The following ZCCHC9 variants were observed in gnomAD, a reference collection of about 807,000 sequenced individuals.
ZCCHC9 encodes the protein zinc finger CCHC domain-containing protein 9.
ZCCHC9 carries 18 observed loss-of-function variants against 30.8 expected under a neutral mutation model. The observed-to-expected ratio is 0.58, with a 90% CI of 0.40 to 0.87. ZCCHC9 has a LOEUF of 0.87. Among genes scored for constraint, ZCCHC9 ranks in the 40% least tolerant of loss-of-function variants. The pLI, the probability that ZCCHC9 is intolerant of heterozygous loss-of-function variation, is 0.00. For synonymous variants in ZCCHC9, 94 were observed against 106.7 expected, an observed-to-expected ratio of 0.88 and a Z score of 0.73; for missense variants, 279 against 331.2, an observed-to-expected ratio of 0.84 and a Z score of 1.22.
chr5:81,311,124 G>A lies in ZCCHC9; in HGVS notation c.629-87G>A, dbSNP rs1410923000. On this transcript the variant is annotated intron_variant, in intron 4 of 5. Coordinates refer to ENST00000407610, the MANE Select transcript of ZCCHC9 (RefSeq NM_001131035.2). ...CCTTTACAACTGACAGGGTTGTGAG[G>A]ATCCAGTAAGATGTGAAAGTGCTTT... 2.2e-6 allele frequency: 3 copies of A among 1,335,574 alleles called. No homozygotes were observed. In the African/African-American group the frequency reaches 4.3e-5, roughly 19 times the overall value. The allele number at this position is 1,335,574 out of a possible 1,614,324, so 82.7% of individuals were successfully genotyped here.
At chr5:81,310,498 C>T (rs1758246798) in intron 4 of ZCCHC9, among the ~76,000 whole-genome samples, 1 of 151,934 alleles carries the variant, frequency 6.6e-6, no homozygotes, top group Non-Finnish European at 1.5e-5. Flanking sequence ...GAAAATTCAG[C>T]CAGATTTGTA....
chr5:81,309,426 T>C (rs1283362470), intron 4 of ZCCHC9, among the ~76,000 whole-genome samples: 1 of 152,228 alleles, frequency 6.6e-6, no homozygotes, highest in Non-Finnish European at 1.5e-5. Context: ...GTACAGATGA[T>C]TCAATATTGT....
At chr5:81,311,371 C>T (rs1235466078) in intron 5 of ZCCHC9, 92 bp downstream of exon 5, 1 of 1,308,330 alleles carries the variant, frequency 7.6e-7, no homozygotes, top group Non-Finnish European at 1.1e-6. Context: ...AATTGGGATA[C>T]TAATGATTTT....
chr5:81,303,909 C>T (rs889253618), intron 1 of ZCCHC9: 1 of 152,198 alleles, frequency 6.6e-6, no homozygotes, highest in South Asian at 2.1e-4. Flanking sequence ...AAATATCCTC[C>T]AAATCACTAG....
Position 81,311,234 on chromosome 5 carries a change from T to C in ZCCHC9, c.652T>C (p.Ser218Pro). 1 of 1,614,130 alleles carries C rather than the reference T, an allele frequency of 6.2e-7. No individual in the cohort carries two copies. The highest frequency in any genetic ancestry group is 8.5e-7 in the Non-Finnish European group (1 of 1,179,968). ...AGGTGGCGGTTGCAAACTTTGTGGC[T>C]CTGTGGAACATTTAAAGAAAGATTG... ...ADGGGCKLCG[S>P]VEHLKKDCPE... Residue 218 changes from serine (S) to proline (P), a missense_variant, in exon 5 of 6, where the codon TCT (serine) becomes CCT (proline). By Grantham distance (74) the Ser-to-Pro change is moderately conservative. Coordinates refer to ENST00000407610, the MANE Select transcript of ZCCHC9 (RefSeq NM_001131035.2).
At position 81,311,180 on chromosome 5, in the gene ZCCHC9, A is replaced by G. The variant is rs145082203; in HGVS notation, c.629-31A>G. ...GTTAAAAACCCCTTGCAAGTATGAG[A>G]TGGTATTCAGTGGCTTTGCTCTTTC... On this transcript the variant is annotated intron_variant, in intron 4 of 5. Transcript: ENST00000407610. 358 of 1,612,886 alleles carry G rather than the reference A, an allele frequency of 2.2e-4. 2 individuals carry two copies. In the African/African-American group the frequency reaches 4.1e-3, roughly 19 times the overall value.
At chr5:81,305,484 G>A (rs1758061322) in intron 2 of ZCCHC9, among the ~76,000 whole-genome samples, 1 of 152,046 alleles carries the variant, frequency 6.6e-6, no homozygotes, top group Admixed American at 6.6e-5. Context: ...TAGACCAGAT[G>A]TGGTGGCCCA....
chr5:81,310,132 A>G (rs1220390215), intron 4 of ZCCHC9, among the ~76,000 whole-genome samples: 3 of 146,958 alleles, frequency 2.0e-5, no homozygotes, highest in South Asian at 4.3e-4. Context: ...AATGGCTTTC[A>G]CTGGTCAACC....
At chr5:81,310,635 T>C (rs1443895951) in intron 4 of ZCCHC9, among the ~76,000 whole-genome samples, 1 of 152,226 alleles carries the variant, frequency 6.6e-6, no homozygotes, top group Non-Finnish European at 1.5e-5. Context: ...GTGTTGTAAT[T>C]CACAATCCTG....
chr5:81,309,801 A>G (rs909893991), intron 4 of ZCCHC9, among the ~76,000 whole-genome samples: 1 of 152,202 alleles, frequency 6.6e-6, no homozygotes, highest in Admixed American at 6.5e-5. Context: ...ACTATATTTT[A>G]TTGATTCTAA....
intron 1 of ZCCHC9, chr5:81,302,477 G>A (rs957254862): frequency 6.6e-6 from 1 of 152,096 alleles, no homozygotes; most frequent in Non-Finnish European, 1.5e-5. Flanking sequence ...TCTCAACAAC[G>A]ACCACAACAA....
chr5:81,307,847 A>G (rs568121966), intron 2 of ZCCHC9, among the ~76,000 whole-genome samples: 4 of 149,246 alleles, frequency 2.7e-5, no homozygotes, highest in Admixed American at 1.3e-4. Flanking sequence ...AAGTACAAAA[A>G]TTAGCCAGGT....
At chr5:81,305,544 G>A (rs1758062595) in intron 2 of ZCCHC9, among the ~76,000 whole-genome samples, 1 of 149,492 alleles carries the variant, frequency 6.7e-6, no homozygotes. Flanking sequence ...GATCACTTGA[G>A]CCCAGGAATT....
intron 2 of ZCCHC9, among the ~76,000 whole-genome samples, chr5:81,305,843 A>G (rs1444381901): frequency 6.6e-6 from 1 of 152,232 alleles, no homozygotes; most frequent in Non-Finnish European, 1.5e-5. Flanking sequence ...TATGAAGAAG[A>G]TGAAGTAGAA....
intron 1 of ZCCHC9, chr5:81,303,263 G>C (rs187268392): frequency 1.4e-5 from 2 of 143,772 alleles, no homozygotes; most frequent in African/African-American, 5.3e-5. Flanking sequence ...GGATGGTCTC[G>C]ATATCCTGAC....
At chr5:81,311,331 G>A (rs376133110) in intron 5 of ZCCHC9, 52 bp downstream of exon 5, 17 of 1,550,808 alleles carry the variant, frequency 1.1e-5, no homozygotes, top group Admixed American at 3.4e-5. Flanking sequence ...ATTCCTCTGC[G>A]TTTTATTCTG....
In ZCCHC9 at chr5:81,312,592, A is replaced by G. The variant is rs1187283967; in HGVS notation, c.746A>G (p.Tyr249Cys). Residue 249 changes from tyrosine (Y) to cysteine (C), a missense_variant, in exon 6 of 6, where the codon TAT becomes TGT. Physicochemically the swap from Tyr to Cys is radical, Grantham distance 194 (BLOSUM62 -2). Transcript: ENST00000407610. ...GRWAKGMSAD[Y>C]EEILDVPKPQ... Reference sequence around the variant, plus strand: ...TGGGCAAAGGGAATGAGTGCAGACTATGAAGAAATTTTGGATGTACCTAAA... The same window carrying G: ...TGGGCAAAGGGAATGAGTGCAGACTGTGAAGAAATTTTGGATGTACCTAAA... 1 of 1,614,004 alleles carries G rather than the reference A, an allele frequency of 6.2e-7. No homozygotes were observed. The highest frequency in any genetic ancestry group is 8.5e-7 in the Non-Finnish European group (1 of 1,179,872).
chr5:81,309,190 T>A, intron 4 of ZCCHC9, 152 bp downstream of exon 4: 1 of 542,994 alleles, frequency 1.8e-6, no homozygotes, highest in Non-Finnish European at 3.1e-6. Flanking sequence ...TCATATGTAC[T>A]AGGCTTTTTG....
intron 1 of ZCCHC9, chr5:81,302,235 G>A (rs1757977633): frequency 6.6e-6 from 1 of 152,494 alleles, no homozygotes; most frequent in African/African-American, 2.4e-5. Context: ...ACTTTGGGAG[G>A]TCGAGGCGGG....
Sources: allele counts gnomAD v4.1 joint callset (sites outside exome capture counted in the v4.1 genomes callset), GRCh38; gene constraint gnomAD v4.1.1; transcripts MANE v1.5; gene names NCBI Gene and HGNC (gene_info 2026-07-23, HGNC 2026-07-21).